The following RYR2 variants were observed in gnomAD, a reference collection of about 807,000 sequenced individuals.
RYR2 encodes cardiac muscle ryanodine receptor-calcium release channel.
RYR2 carries 227 observed loss-of-function variants against 601.1 expected under a neutral mutation model. The observed-to-expected ratio is 0.38, with a 90% confidence interval of 0.34 to 0.42. The LOEUF (loss-of-function observed/expected upper bound fraction) is 0.42, where lower values mean the gene tolerates loss of function less well. RYR2 is among the 10% of genes least tolerant of loss of function. The pLI, the probability that RYR2 is intolerant of heterozygous loss-of-function variation, is 1.00. For missense variants in RYR2, 4,646 were observed against 6,156.5 expected (o/e 0.75, Z 8.21); for synonymous variants, 2,223 against 2,175.1 (o/e 1.02, Z -0.61).
chr1:237,701,691 C>T (rs1177061344), intron 65 of RYR2, among the ~76,000 whole-genome samples: 1 of 151,968 alleles, frequency 6.6e-6, no homozygotes, highest in East Asian at 1.9e-4. Flanking sequence ...TGCCCCCTCA[C>T]CCTTCTGAGT....
intron 1 of RYR2, among the ~76,000 whole-genome samples, chr1:237,213,754 A>G (rs928954524): frequency 6.6e-6 from 1 of 151,796 alleles, no homozygotes; most frequent in African/African-American, 2.4e-5. Flanking sequence ...CATCTGATCT[A>G]TATTTTATTA....
chr1:237,798,300 G>A, intron 97 of RYR2, 130 bp downstream of exon 97: 1 of 787,436 alleles, frequency 1.3e-6, no homozygotes, highest in Non-Finnish European at 1.9e-6. Context: ...AAAACAGAAA[G>A]TATATAAAGT....
At chr1:237,121,743 A>G (rs760330577) in intron 1 of RYR2, among the ~76,000 whole-genome samples, 18 of 152,218 alleles carry the variant, frequency 1.2e-4, no homozygotes, top group Non-Finnish European at 2.5e-4. Context: ...GGAGGCCACC[A>G]TGGGTTCCTT....
intron 25 of RYR2, among the ~76,000 whole-genome samples, chr1:237,538,143 A>G (rs1308160655): frequency 6.6e-6 from 1 of 152,048 alleles, no homozygotes; most frequent in African/African-American, 2.4e-5. Flanking sequence ...TAATCCCAGC[A>G]CTTTGGGAAG....
chr1:237,760,967 A>T lies in RYR2; in HGVS notation c.11415A>T (p.Leu3805=). 6.4e-7 allele frequency: 1 copy of T among 1,571,184 alleles called. No individual in the cohort carries two copies. The highest frequency in any genetic ancestry group is 8.7e-7 in the Non-Finnish European group (1 of 1,156,026). The change falls in exon 84 of 105, where the codon CTA becomes CTT. Residue 3805 remains leucine, a synonymous_variant. Transcript: ENST00000366574. ...CTTGTTATTATAGTGTCCTTGACCT[A>T]AATGCATTTGAGCGACAAAACAAAG... The part of the protein sequence containing the change: ...GLMQSCSVLD[L]NAFERQNKAE...
intron 10 of RYR2, among the ~76,000 whole-genome samples, chr1:237,408,628 GTTC>G (rs893292929): frequency 1.3e-5 from 2 of 151,850 alleles, no homozygotes; most frequent in African/African-American, 2.4e-5. Context: ...TCCCAACTTC[GTTC>G]TTCTCCTTCA....
At chr1:237,551,512 C>G (rs1377703591) in intron 27 of RYR2, among the ~76,000 whole-genome samples, 1 of 108,932 alleles carries the variant, frequency 9.2e-6, no homozygotes, top group African/African-American at 3.6e-5. Context: ...GCCTGGGTGA[C>G]AGAGCAAGAC....
At chr1:237,575,594 C>T in intron 29 of RYR2, among the ~76,000 whole-genome samples, 1 of 151,818 alleles carries the variant, frequency 6.6e-6, no homozygotes, top group East Asian at 1.9e-4. Context: ...TAATTATTTT[C>T]ATTACTAGCC....
At chr1:237,631,585 G>A (rs1559140948) in intron 42 of RYR2, 44 bp downstream of exon 42, 1 of 778,042 alleles carries the variant, frequency 1.3e-6, no homozygotes, top group South Asian at 1.6e-5. Context: ...ATCATCTCCT[G>A]GAGTATATAG....
chr1:237,700,862 G>A (rs1165400699), intron 65 of RYR2, among the ~76,000 whole-genome samples: 2 of 152,188 alleles, frequency 1.3e-5, no homozygotes, highest in Non-Finnish European at 2.9e-5. Context: ...GCTTGACAAT[G>A]TAATAATGTG....
chr1:237,320,020 C>T (rs545640841), intron 2 of RYR2, among the ~76,000 whole-genome samples: 78 of 152,252 alleles, frequency 5.1e-4, no homozygotes, highest in Admixed American at 1.3e-3. Flanking sequence ...CCACATTAGT[C>T]GAGCTGTGGG....
intron 61 of RYR2, 46 bp from the exon 62 acceptor site, chr1:237,680,410 T>C (rs781638241): frequency 1.8e-5 from 29 of 1,573,406 alleles, no homozygotes; most frequent in Non-Finnish European, 3.5e-6. Flanking sequence ...ATTCATCCCC[T>C]GAAAGATTCC....
intron 83 of RYR2, among the ~76,000 whole-genome samples, chr1:237,760,433 C>A (rs928047978): frequency 1.1e-4 from 16 of 149,616 alleles, no homozygotes; most frequent in African/African-American, 3.7e-4. Context: ...GTATATTCTG[C>A]ATACTTGAAA....
intron 17 of RYR2, among the ~76,000 whole-genome samples, chr1:237,470,057 G>A (rs1416305743): frequency 1.3e-5 from 2 of 152,260 alleles, no homozygotes; most frequent in East Asian, 1.9e-4. Flanking sequence ...TCTTCCATCT[G>A]TTTGCACAGT....
intron 44 of RYR2, among the ~76,000 whole-genome samples, chr1:237,638,104 G>GAAAA (rs34788513): frequency 1.4e-5 from 2 of 147,186 alleles, no homozygotes; most frequent in South Asian, 2.2e-4. Flanking sequence ...AGAGAGAGCT[G>GAAAA]AAAAAAAAAA....
At chr1:237,360,802 A>G (rs1259925288) in intron 4 of RYR2, among the ~76,000 whole-genome samples, 1 of 152,186 alleles carries the variant, frequency 6.6e-6, no homozygotes, top group East Asian at 1.9e-4. Flanking sequence ...TGTACCTGTA[A>G]TCAATATGTC....
intron 27 of RYR2, among the ~76,000 whole-genome samples, chr1:237,559,019 A>C (rs1329300082): frequency 7.3e-6 from 1 of 136,408 alleles, no homozygotes; most frequent in African/African-American, 2.8e-5. Context: ...TTTGAGATGG[A>C]GTTTTGCTCT....
At chr1:237,294,128 T>C (rs1692512088) in intron 2 of RYR2, among the ~76,000 whole-genome samples, 1 of 152,158 alleles carries the variant, frequency 6.6e-6, no homozygotes, top group Non-Finnish European at 1.5e-5. Context: ...AAAGACCAAA[T>C]ATCAGAACAG....
At chr1:237,341,772 C>A (rs1697820904) in intron 3 of RYR2, 4 of 435,812 alleles carry the variant, frequency 9.2e-6, no homozygotes, top group African/African-American at 4.1e-5. Context: ...TATGATAGAG[C>A]TTTTTTGTCT....
Sources: allele counts gnomAD v4.1 joint callset (sites outside exome capture counted in the v4.1 genomes callset), GRCh38; gene constraint gnomAD v4.1.1; transcripts MANE v1.5; gene names NCBI Gene and HGNC (gene_info 2026-07-23, HGNC 2026-07-21).